The following LRGUK variants were observed in gnomAD, a reference collection of about 807,000 sequenced individuals.
The protein encoded by LRGUK is leucine-rich repeat and guanylate kinase domain-containing protein.
LRGUK carries 65 observed loss-of-function variants against 76.0 expected under a neutral mutation model. That is an observed-to-expected ratio of 0.85 (90% CI 0.70 to 1.05). LRGUK has a LOEUF of 1.05. LRGUK is among the 50% of genes least tolerant of loss of function. The pLI is 0.00. For missense variants in LRGUK, 758 were observed against 732.8 expected (o/e 1.03, Z -0.40); for synonymous variants, 268 against 265.6 (o/e 1.01, Z -0.09).
downstream of LRGUK, among the ~76,000 whole-genome samples, chr7:134,268,556 CAGA>C (rs1054168807): frequency 1.3e-5 from 2 of 151,914 alleles, no homozygotes; most frequent in Non-Finnish European, 2.9e-5. Flanking sequence ...CAATTGCTAA[CAGA>C]AGTATTCACA....
At chr7:134,245,429 G>T (rs779776608) in intron 16 of LRGUK, among the ~76,000 whole-genome samples, 3 of 152,052 alleles carry the variant, frequency 2.0e-5, no homozygotes, top group Non-Finnish European at 2.9e-5. Context: ...CATCATGCAG[G>T]TGTTGTGGCT....
intron 19 of LRGUK, among the ~76,000 whole-genome samples, chr7:134,261,201 A>G (rs1802716977): frequency 6.6e-6 from 1 of 152,146 alleles, no homozygotes. Flanking sequence ...TAGCAACTAT[A>G]TCATACTGCT....
rs191095257 is a variant in LRGUK at position 134,241,890 on chromosome 7, G to A, written c.1984-5666G>A. On this transcript the variant is annotated intron_variant, in intron 16 of 19. Transcript: ENST00000285928. ...ACAGTGCAATCAAACTAGAGCTCAG[G>A]ATTAAGAAACTCACTCAAAACTGCT... 8.6e-3 allele frequency among the ~76,000 whole-genome samples: 1,317 copies of A among 152,288 alleles called. 6 individuals carry two copies. Among genetic ancestry groups the A allele is most frequent in the Non-Finnish European group, 0.013 (918 of 68,024 alleles).
At chr7:134,159,792 A>G (rs1798645619) in intron 6 of LRGUK, among the ~76,000 whole-genome samples, 1 of 152,180 alleles carries the variant, frequency 6.6e-6, no homozygotes, top group African/African-American at 2.4e-5. Context: ...CCGTCTCAAA[A>G]AAACAAAACA....
intron 16 of LRGUK, among the ~76,000 whole-genome samples, chr7:134,240,293 T>TA (rs1406185896): frequency 6.6e-6 from 1 of 152,158 alleles, no homozygotes; most frequent in Non-Finnish European, 1.5e-5. Flanking sequence ...GCAAAGAAGC[T>TA]AAAAACCTTG....
At chr7:134,197,065 C>T in exon 13 of LRGUK, 1 of 1,611,636 alleles carries the variant, frequency 6.2e-7, no homozygotes, top group African/African-American at 1.3e-5. Context: ...GAAGGTATCG[C>T]AAGAGATGGT....
intron 17 of LRGUK, 135 bp downstream of exon 17, chr7:134,247,779 C>A: frequency 1.8e-6 from 1 of 562,616 alleles, no homozygotes; most frequent in South Asian, 3.3e-5. Flanking sequence ...AAAAGCAGTT[C>A]TAGAAGTTGT....
chr7:134,161,736 G>A (rs1440066271), intron 6 of LRGUK, among the ~76,000 whole-genome samples: 1 of 147,096 alleles, frequency 6.8e-6, no homozygotes, highest in African/African-American at 2.5e-5. Flanking sequence ...TGTTGCCCAG[G>A]CTGGAGTGCA....
At chr7:134,255,512 CTG>C (rs950461658) in intron 18 of LRGUK, among the ~76,000 whole-genome samples, 3 of 152,184 alleles carry the variant, frequency 2.0e-5, no homozygotes, top group Non-Finnish European at 4.4e-5. Context: ...ACAGGCACGT[CTG>C]TGATGAATGA....
chr7:134,226,588 A>C (rs1301917055), intron 16 of LRGUK, among the ~76,000 whole-genome samples: 1 of 152,114 alleles, frequency 6.6e-6, no homozygotes, highest in Non-Finnish European at 1.5e-5. Context: ...TTCTATTTCC[A>C]TTTAACTATT....
chr7:134,211,337 T>C (rs530097870), downstream of LRGUK, among the ~76,000 whole-genome samples: 18 of 152,374 alleles, frequency 1.2e-4, no homozygotes, highest in African/African-American at 4.3e-4. Context: ...CAGGGCCATA[T>C]TGCCATTAAG....
At chr7:134,244,329 C>G (rs1802239633) in intron 16 of LRGUK, among the ~76,000 whole-genome samples, 1 of 151,888 alleles carries the variant, frequency 6.6e-6, no homozygotes. Flanking sequence ...TATCCAGAAT[C>G]TACAAAGAAC....
At chr7:134,151,969 A>G (rs900222742) in intron 5 of LRGUK, among the ~76,000 whole-genome samples, 1 of 152,072 alleles carries the variant, frequency 6.6e-6, no homozygotes, top group African/African-American at 2.4e-5. Context: ...TTTCTCCTTT[A>G]AAATTGGGAA....
intron 18 of LRGUK, among the ~76,000 whole-genome samples, chr7:134,250,099 G>A (rs995912649): frequency 1.3e-5 from 2 of 152,186 alleles, no homozygotes; most frequent in African/African-American, 2.4e-5. Flanking sequence ...TCTCTGTGGA[G>A]CATCCAAACG....
chr7:134,228,283 G>A (rs1380471892), intron 16 of LRGUK, among the ~76,000 whole-genome samples: 1 of 152,068 alleles, frequency 6.6e-6, no homozygotes, highest in Non-Finnish European at 1.5e-5. Flanking sequence ...TGAATTAAAG[G>A]TATTTCTAGA....
intron 11 of LRGUK, among the ~76,000 whole-genome samples, chr7:134,188,076 C>T (rs921541502): frequency 1.3e-5 from 2 of 152,172 alleles, no homozygotes; most frequent in African/African-American, 2.4e-5. Flanking sequence ...CAATATTTAT[C>T]GAGCACTGTG....
At chr7:134,276,393 A>ACTT in the LRGUK span, among the ~76,000 whole-genome samples, 3 of 152,160 alleles carry the variant, frequency 2.0e-5, no homozygotes, top group Middle Eastern at 3.4e-3. Context: ...TAGGAGTCTG[A>ACTT]CTTTAGGCAA....
rs768058992 is a variant in LRGUK, at chr7:134,248,967, C to T, written c.2089C>T (p.Pro697Ser). ...CCATTCCAGGGGTCCAGTACCAGCA[C>T]CTCTCACCAGTGGTCTACACTATTA... Residue 697 changes from proline (P) to serine (S), a missense_variant, in exon 18 of 20, where the codon CCT (proline) becomes TCT (serine). Physicochemically the swap from Pro to Ser is moderately conservative, Grantham distance 74. Transcript: ENST00000285928. The T allele has an allele frequency of 7.2e-6, 11 of 1,532,740 alleles. No homozygotes were observed. Among genetic ancestry groups the T allele is most frequent in the Middle Eastern group, 1.7e-4 (1 of 5,730 alleles). The allele number at this position is 1,532,740 out of a possible 1,614,324, so 94.9% of individuals were successfully genotyped here.
At chr7:134,222,491 C>G (rs143441141) in intron 16 of LRGUK, among the ~76,000 whole-genome samples, 259 of 152,302 alleles carry the variant, frequency 1.7e-3, no homozygotes, top group African/African-American at 5.6e-3. Context: ...TCTGGGAATA[C>G]AAAGAGACTT....
Sources: gnomAD v4.1 joint callset for allele counts (sites outside exome capture counted in the v4.1 genomes callset) on GRCh38, gnomAD v4.1.1 for gene constraint, MANE v1.5 for transcripts, NCBI Gene and HGNC (gene_info 2026-07-23, HGNC 2026-07-21) for gene names.